Variants in ABCA13 observed in about 807,000 individuals in gnomAD.
ABCA13 encodes the protein ATP-binding cassette sub-family A member 13.
In ABCA13, 476 loss-of-function variants were observed where a neutral mutation model predicts 478.7. The observed-to-expected ratio is 0.99, with a 90% CI of 0.92 to 1.07. ABCA13 has a LOEUF of 1.07. Ranked by LOEUF, ABCA13 falls within the 50% of genes least tolerant of loss-of-function variation. ABCA13 has a pLI of 0.00. For synonymous variants in ABCA13, 2,252 were observed against 2,158.9 expected (o/e 1.04, Z -1.20); for missense variants, 6,060 against 5,910.6 (o/e 1.03, Z -0.83).
In ABCA13 at chr7:48,396,831, C is replaced by T. The variant is rs544494084; in HGVS notation, c.11873+4692C>T. On this transcript the variant is annotated intron_variant, in intron 38 of 61. Transcript: ENST00000435803. ...AGTGGGGAACGTGTGGATGAAGGAT[C>T]GCTGGTGCATTGTGGAACCTGCCTC... Among the ~76,000 whole-genome samples the T allele has an allele frequency of 8.5e-5, 13 of 152,196 alleles. No individual in the cohort carries two copies. In the South Asian group the frequency reaches 2.3e-3, roughly 27 times the overall value.
chr7:48,485,619 T>G (rs1223321272), intron 47 of ABCA13, among the ~76,000 whole-genome samples: 2 of 152,178 alleles, frequency 1.3e-5, no homozygotes, highest in Non-Finnish European at 2.9e-5. Flanking sequence ...TTCCAGAACA[T>G]TTTAAAATCT....
chr7:48,422,930 A>T (rs1820964673), intron 41 of ABCA13, among the ~76,000 whole-genome samples: 1 of 152,268 alleles, frequency 6.6e-6, no homozygotes, highest in Non-Finnish European at 1.5e-5. Context: ...CAATATTGGC[A>T]GCCACTAGAA....
intron 6 of ABCA13, among the ~76,000 whole-genome samples, chr7:48,228,652 C>T (rs911539839): frequency 2.6e-5 from 4 of 152,100 alleles, no homozygotes; most frequent in Non-Finnish European, 4.4e-5. Context: ...CATTCTGGTG[C>T]GTAACTCTGA....
intron 22 of ABCA13, among the ~76,000 whole-genome samples, chr7:48,297,786 C>CCT (rs1554424130): frequency 2.0e-3 from 279 of 142,026 alleles, no homozygotes; most frequent in Non-Finnish European, 1.9e-3. Context: ...TTCTTTCTTT[C>CCT]TTTTTTTTTT....
chr7:48,222,950 T>A (rs1274343560), intron 5 of ABCA13, among the ~76,000 whole-genome samples: 1 of 152,118 alleles, frequency 6.6e-6, no homozygotes, highest in African/African-American at 2.4e-5. Context: ...CTATGCAACA[T>A]TAAATGGAGG....
At chr7:48,290,066 C>G (rs947718407) in intron 20 of ABCA13, among the ~76,000 whole-genome samples, 2 of 152,134 alleles carry the variant, frequency 1.3e-5, no homozygotes, top group African/African-American at 4.8e-5. Context: ...ACATGGAATT[C>G]CCATTTAGAG....
At chr7:48,473,658 C>G (rs1827764657) in intron 45 of ABCA13, among the ~76,000 whole-genome samples, 1 of 152,144 alleles carries the variant, frequency 6.6e-6, no homozygotes, top group South Asian at 2.1e-4. Context: ...GGTGGTGGCA[C>G]TCAGCCTAGG....
intron 13 of ABCA13, 29 bp from the exon 14 acceptor site, chr7:48,248,210 T>G: frequency 6.4e-7 from 1 of 1,573,894 alleles, no homozygotes; most frequent in South Asian, 1.1e-5. Context: ...CTTTATTTAT[T>G]ATAAGCAATA....
At chr7:48,469,021 T>A (rs1827186271) in intron 44 of ABCA13, among the ~76,000 whole-genome samples, 1 of 152,234 alleles carries the variant, frequency 6.6e-6, no homozygotes, top group Admixed American at 6.5e-5. Context: ...AAGGCTTATA[T>A]CTGGTGGCAC....
chr7:48,288,502 CATGATG>C (rs1798072973), intron 20 of ABCA13, among the ~76,000 whole-genome samples: 1 of 152,188 alleles, frequency 6.6e-6, no homozygotes, highest in African/African-American at 2.4e-5. Context: ...GTTGTATCCA[CATGATG>C]GAAATACTAT....
intron 31 of ABCA13, among the ~76,000 whole-genome samples, chr7:48,357,626 A>G (rs1026561628): frequency 6.6e-6 from 1 of 151,966 alleles, no homozygotes; most frequent in African/African-American, 2.4e-5. Context: ...TTAAAATTGT[A>G]TCACATTTAA....
At chr7:48,374,255 A>G in intron 33 of ABCA13, 92 bp from the exon 34 acceptor site, 2 of 1,180,386 alleles carry the variant, frequency 1.7e-6, no homozygotes, top group Non-Finnish European at 2.4e-6. Context: ...AAAAGTTGTC[A>G]TGGCTTCGCT....
At chr7:48,381,149 A>G (rs1814307730) in intron 35 of ABCA13, among the ~76,000 whole-genome samples, 1 of 151,954 alleles carries the variant, frequency 6.6e-6, no homozygotes, top group South Asian at 2.1e-4. Context: ...GTGGTGTGTC[A>G]TGCCTCCTTC....
At chr7:48,416,940 C>T in intron 41 of ABCA13, among the ~76,000 whole-genome samples, 1 of 146,706 alleles carries the variant, frequency 6.8e-6, no homozygotes, top group Non-Finnish European at 1.5e-5. Context: ...CTGCATATAC[C>T]TTTTTTTTTT....
chr7:48,318,718 C>T (rs1173803237), intron 27 of ABCA13, among the ~76,000 whole-genome samples: 1 of 152,052 alleles, frequency 6.6e-6, no homozygotes, highest in Admixed American at 6.5e-5. Context: ...TGCGCCATTA[C>T]TCGAATTTCC....
chr7:48,203,961 T>C (rs1396891481), intron 3 of ABCA13, among the ~76,000 whole-genome samples: 1 of 152,182 alleles, frequency 6.6e-6, no homozygotes, highest in Non-Finnish European at 1.5e-5. Flanking sequence ...TTTTTCTCCA[T>C]TCTCAAACAT....
intron 31 of ABCA13, 23 bp from the exon 32 acceptor site, chr7:48,367,771 C>T (rs1329196509): frequency 6.6e-7 from 1 of 1,525,722 alleles, no homozygotes; most frequent in South Asian, 1.2e-5. Context: ...TCTCCGGATG[C>T]TGACTGAATT....
chr7:48,414,050 C>T (rs1819622948), intron 41 of ABCA13, among the ~76,000 whole-genome samples: 1 of 152,124 alleles, frequency 6.6e-6, no homozygotes, highest in Non-Finnish European at 1.5e-5. Context: ...ATTCCCACTG[C>T]GTTTTAATAG....
intron 55 of ABCA13, among the ~76,000 whole-genome samples, chr7:48,544,341 T>G (rs1784621191): frequency 6.6e-6 from 1 of 151,744 alleles, no homozygotes; most frequent in Admixed American, 6.6e-5. Context: ...TGCTAATGAT[T>G]TATGGCGCTG....
Sources: allele counts gnomAD v4.1 joint callset (sites outside exome capture counted in the v4.1 genomes callset), GRCh38; gene constraint gnomAD v4.1.1; transcripts MANE v1.5; gene names NCBI Gene and HGNC (gene_info 2026-07-23, HGNC 2026-07-21).